EIF4H: variants seen among roughly 807,000 people sequenced by gnomAD.
EIF4H encodes Williams-Beuren syndrome chromosome region 1.
EIF4H carries 8 observed loss-of-function variants against 30.6 expected under a neutral mutation model. That is an observed-to-expected ratio of 0.26 (90% CI 0.15 to 0.47). EIF4H has a LOEUF of 0.47. EIF4H is among the 20% of genes least tolerant of loss of function. The probability of loss-of-function intolerance (pLI) is 0.99; values close to 1 mark genes in which losing one functional copy is unlikely to be tolerated. For missense variants in EIF4H, 188 were observed against 339.5 expected (o/e 0.55, Z 3.51); for synonymous variants, 106 against 122.7 (o/e 0.86, Z 0.90).
chr7:74,174,704 G>T (rs1203402269), intron 1 of EIF4H, among the ~76,000 whole-genome samples: 3 of 152,164 alleles, frequency 2.0e-5, no homozygotes, highest in Non-Finnish European at 4.4e-5. Flanking sequence ...TTTTTGCCCT[G>T]CCTTGGCCGC....
chr7:74,193,773 C>T (rs1801280478), intron 5 of EIF4H, among the ~76,000 whole-genome samples: 1 of 152,100 alleles, frequency 6.6e-6, no homozygotes, highest in East Asian at 1.9e-4. Flanking sequence ...CCACCATGCC[C>T]AGCTAATTTT....
intron 1 of EIF4H, among the ~76,000 whole-genome samples, chr7:74,175,678 T>C (rs782618979): frequency 2.0e-5 from 3 of 151,844 alleles, no homozygotes; most frequent in Non-Finnish European, 2.9e-5. Context: ...GTTAGGTTTC[T>C]AAACATCAAA....
intron 1 of EIF4H, among the ~76,000 whole-genome samples, chr7:74,184,983 T>TTTG (rs548041779): frequency 3.3e-5 from 5 of 150,608 alleles, no homozygotes; most frequent in African/African-American, 4.9e-5. Flanking sequence ...GCCCCGCCTT[T>TTTG]TTGTTGTTGT....
At chr7:74,181,849 T>G (rs746044729) in intron 1 of EIF4H, among the ~76,000 whole-genome samples, 114 of 152,058 alleles carry the variant, frequency 7.5e-4, no homozygotes, top group Non-Finnish European at 1.5e-3. Flanking sequence ...CCCGAGTAGC[T>G]GGGATTACAG....
At chr7:74,189,543 C>A in intron 2 of EIF4H, 130 bp from the exon 3 acceptor site, 1 of 956,364 alleles carries the variant, frequency 1.0e-6, no homozygotes. Context: ...TATTGAAAGG[C>A]TCTCCTAGTC....
At chr7:74,185,964 T>C (rs1554709109) in intron 1 of EIF4H, among the ~76,000 whole-genome samples, 1 of 152,210 alleles carries the variant, frequency 6.6e-6, no homozygotes, top group Non-Finnish European at 1.5e-5. Context: ...TTCCAAACGT[T>C]TTATTTTGGA....
At chr7:74,181,161 C>T (rs1300350326) in intron 1 of EIF4H, among the ~76,000 whole-genome samples, 1 of 152,222 alleles carries the variant, frequency 6.6e-6, no homozygotes, top group South Asian at 2.1e-4. Flanking sequence ...CACTAAACAA[C>T]TCCATTCCTT....
intron 1 of EIF4H, among the ~76,000 whole-genome samples, chr7:74,177,688 A>C (rs2115932530): frequency 6.6e-6 from 1 of 152,318 alleles, no homozygotes; most frequent in South Asian, 2.1e-4. Context: ...GTCAAATGTC[A>C]AGTCGTTTAG....
chr7:74,182,330 A>G (rs1800980595), intron 1 of EIF4H, among the ~76,000 whole-genome samples: 1 of 152,154 alleles, frequency 6.6e-6, no homozygotes, highest in South Asian at 2.1e-4. Context: ...TGAAAGCTTA[A>G]CCATTTTTGA....
intron 4 of EIF4H, 28 bp downstream of exon 4, chr7:74,189,946 CAT>C: frequency 6.2e-7 from 1 of 1,610,990 alleles, no homozygotes; most frequent in Non-Finnish European, 8.5e-7. Flanking sequence ...AGCTGAACAT[CAT>C]AAAGATTTGC....
At chr7:74,193,978 GACCATTGAGAAAAT>G (rs1554710354) in intron 5 of EIF4H, among the ~76,000 whole-genome samples, 1 of 152,170 alleles carries the variant, frequency 6.6e-6, no homozygotes, top group African/African-American at 2.4e-5. Context: ...GGCCCCTTAA[GACCATTGAGAAAAT>G]ACTCTTTCCT....
chr7:74,183,128 A>G (rs1341154449), intron 1 of EIF4H, among the ~76,000 whole-genome samples: 3 of 152,196 alleles, frequency 2.0e-5, no homozygotes, highest in Non-Finnish European at 4.4e-5. Context: ...AGGAAAAGTG[A>G]TTTGCCTGTC....
At position 74,176,057 on chromosome 7, in the gene EIF4H, G is replaced by A. The variant is rs917857499; in HGVS notation, c.59+1615G>A. 3.3e-5 allele frequency among the ~76,000 whole-genome samples: 5 copies of A among 152,268 alleles called. 1 individual carries two copies. Among genetic ancestry groups the A allele is most frequent in the Admixed American group, 2.6e-4 (4 of 15,296 alleles). ...ATAGGAGAGTTTCCTAGGTAGCACT[G>A]TGCATCACTTGAACTTCCTAATAGA... is the stretch of plus-strand genomic sequence containing the variant. On this transcript the variant is annotated intron_variant, in intron 1 of 6. Coordinates refer to ENST00000265753, the MANE Select transcript of EIF4H (RefSeq NM_022170.2).
chr7:74,189,778 T>A (rs782289778), intron 3 of EIF4H, 41 bp downstream of exon 3: 17 of 1,614,024 alleles, frequency 1.1e-5, no homozygotes, highest in Non-Finnish European at 1.4e-5. Flanking sequence ...CAGTTGAGAT[T>A]GTTTTCTTTG....
chr7:74,183,164 G>A (rs1554708722), intron 1 of EIF4H, among the ~76,000 whole-genome samples: 4 of 152,322 alleles, frequency 2.6e-5, no homozygotes, highest in East Asian at 1.9e-4. Context: ...ACTTGGAGCC[G>A]AAAGTAGGGT....
chr7:74,187,880 TG>T, intron 2 of EIF4H, 82 bp downstream of exon 2: 1 of 1,399,460 alleles, frequency 7.1e-7, no homozygotes, highest in African/African-American at 1.4e-5. Context: ...AATAGATTTG[TG>T]AACCAGAGGC....
intron 1 of EIF4H, 144 bp downstream of exon 1, chr7:74,174,586 G>A (rs1800792419): frequency 3.8e-6 from 3 of 782,942 alleles, no homozygotes; most frequent in Non-Finnish European, 5.0e-6. Flanking sequence ...GGAGGGCCGG[G>A]GCCTGGAAAT....
At chr7:74,194,941 A>G (rs1801308013) in intron 6 of EIF4H, 63 bp downstream of exon 6, 10 of 1,542,112 alleles carry the variant, frequency 6.5e-6, no homozygotes, top group Non-Finnish European at 8.8e-6. Context: ...GCCGGTTCAC[A>G]CCCCGTGGGG....
chr7:74,176,404 C>T (rs949345712), intron 1 of EIF4H, among the ~76,000 whole-genome samples: 1 of 151,928 alleles, frequency 6.6e-6, no homozygotes, highest in East Asian at 1.9e-4. Context: ...CGCCCGGCCT[C>T]AATTATTTTA....
Sources: gnomAD v4.1 joint callset for allele counts (sites outside exome capture counted in the v4.1 genomes callset) on GRCh38, gnomAD v4.1.1 for gene constraint, MANE v1.5 for transcripts, NCBI Gene and HGNC (gene_info 2026-07-23, HGNC 2026-07-21) for gene names.